Variants in USP9X observed in about 807,000 individuals in gnomAD.
The protein encoded by USP9X is ubiquitin carboxyl-terminal hydrolase 9X.
Under a neutral mutation model 190.3 loss-of-function variants are expected in USP9X, and 7 were observed. That is an observed-to-expected ratio of 0.04 (90% confidence interval 0.02 to 0.07). The LOEUF (loss-of-function observed/expected upper bound fraction) is 0.07. Among genes scored for constraint, USP9X ranks in the 10% least tolerant of loss-of-function variants. The pLI is 1.00. For missense variants in USP9X, 1,010 were observed against 1,916.9 expected (o/e 0.53, Z 8.83); for synonymous variants, 645 against 659.5 (o/e 0.98, Z 0.34).
chrX:41,144,979 G>A (rs150903503), intron 11 of USP9X, among the ~76,000 whole-genome samples: 169 of 111,534 alleles, frequency 1.5e-3, no homozygotes, highest in African/African-American at 5.2e-3. Flanking sequence ...GGGGTCATAT[G>A]TACAAGCAAA....
At chrX:41,175,110 T>C (rs1602001079) in intron 21 of USP9X, among the ~76,000 whole-genome samples, 1 of 112,697 alleles carries the variant, frequency 8.9e-6, no homozygotes, top group South Asian at 3.7e-4. Context: ...GTTACTATCA[T>C]TTATCTTGAT....
chrX:41,127,946 A>G (rs1601954307), intron 2 of USP9X, among the ~76,000 whole-genome samples: 1 of 112,282 alleles, frequency 8.9e-6, no homozygotes, highest in Non-Finnish European at 1.9e-5. Context: ...AAGAGAAAAT[A>G]CCACCTGCTT....
intron 26 of USP9X, chrX:41,195,786 T>G: frequency 7.4e-6 from 2 of 271,354 alleles, no homozygotes; most frequent in South Asian, 7.2e-5. Flanking sequence ...TAATGCTCAT[T>G]TGGCCTTCTG....
intron 21 of USP9X, among the ~76,000 whole-genome samples, chrX:41,181,435 C>CTTTTTTTTTTT (rs200403625): frequency 2.6e-5 from 1 of 38,572 alleles, no homozygotes; most frequent in African/African-American, 8.6e-5. Context: ...CCACACCTGA[C>CTTTTTTTTTTT]TTTTTTTTTT....
At chrX:41,139,980 GGCTTTTA>G (rs2062408005) in intron 6 of USP9X, among the ~76,000 whole-genome samples, 1 of 111,650 alleles carries the variant, frequency 9.0e-6, no homozygotes, top group Non-Finnish European at 1.9e-5. Context: ...CATACAGACA[GGCTTTTA>G]GCCTCACAAC....
At chrX:41,090,207 C>G (rs1212468711) in intron 1 of USP9X, among the ~76,000 whole-genome samples, 2 of 109,725 alleles carry the variant, frequency 1.8e-5, no homozygotes, top group East Asian at 5.6e-4. Context: ...GGGCCCGGCC[C>G]TATGAGCATT....
chrX:41,158,217 G>A (rs767806436), intron 14 of USP9X, among the ~76,000 whole-genome samples: 2 of 111,290 alleles, frequency 1.8e-5, no homozygotes, highest in Non-Finnish European at 3.8e-5. Flanking sequence ...CACTGAAAAC[G>A]TCTCTAATTT....
At chrX:41,101,249 C>T (rs184679830) in intron 1 of USP9X, among the ~76,000 whole-genome samples, 8 of 110,086 alleles carry the variant, frequency 7.3e-5, no homozygotes, top group African/African-American at 2.3e-4. Context: ...TTTGAGTGTT[C>T]GAATCTTTAG....
At chrX:41,151,925 G>A (rs774652569) in intron 13 of USP9X, among the ~76,000 whole-genome samples, 15 of 112,584 alleles carry the variant, frequency 1.3e-4, no homozygotes, top group Non-Finnish European at 2.2e-4. Flanking sequence ...AGGTTGCGGT[G>A]AGCTGAGATT....
intron 11 of USP9X, among the ~76,000 whole-genome samples, chrX:41,146,599 G>T (rs756135611): frequency 1.7e-4 from 16 of 95,690 alleles, no homozygotes; most frequent in African/African-American, 6.2e-4. Flanking sequence ...TGTGCTTTTA[G>T]TTTTTATATC....
chrX:41,191,200 G>A (rs939703365), intron 26 of USP9X, among the ~76,000 whole-genome samples: 1 of 108,910 alleles, frequency 9.2e-6, no homozygotes, highest in Non-Finnish European at 1.9e-5. Context: ...ATTGTGGTGG[G>A]CGCCTGTAAT....
chrX:41,162,998 A>G (rs1292463478), intron 15 of USP9X, 121 bp downstream of exon 15: 1 of 399,960 alleles, frequency 2.5e-6, no homozygotes, highest in East Asian at 4.3e-5. Flanking sequence ...GTCATGTAAG[A>G]CATTTCCCTG....
chrX:41,201,305 T>C lies in USP9X; in HGVS notation c.4824+25T>C, dbSNP rs750304073. Reference sequence around the variant, plus strand: ...GGTAAATTTGAGTTACCATTTCTGTTTTCTGTGTTTCAAGTTATGATACCA... The same window carrying C: ...GGTAAATTTGAGTTACCATTTCTGTCTTCTGTGTTTCAAGTTATGATACCA... On this transcript the variant is annotated intron_variant, in intron 31 of 44. Transcript: ENST00000378308. 295 of 1,154,313 alleles carry C rather than the reference T, an allele frequency of 2.6e-4. 1 individual carries two copies. In the South Asian group the frequency reaches 5.0e-3, roughly 20 times the overall value.
chrX:41,126,163 C>A, intron 2 of USP9X, among the ~76,000 whole-genome samples: 1 of 111,842 alleles, frequency 8.9e-6, no homozygotes, highest in Admixed American at 9.5e-5. Context: ...TCTTTCTCTG[C>A]CATTTTAGAG....
In USP9X at chrX:41,204,880, T is replaced by C. The variant is rs765998968; in HGVS notation, c.4825-423T>C. On this transcript the variant is annotated intron_variant, in intron 31 of 44. Transcript: ENST00000378308. ...TAAGCAAAGAATGACTATACTGATATAGGTATATTTTATTGACAGATCTGA... is the reference window on the plus strand; with the variant it reads ...TAAGCAAAGAATGACTATACTGATACAGGTATATTTTATTGACAGATCTGA... Among the ~76,000 whole-genome samples, 5 of 112,014 alleles carry C rather than the reference T, an allele frequency of 4.5e-5. No homozygotes were observed. In the East Asian group the frequency reaches 8.4e-4, roughly 19 times the overall value.
rs189466092 is a variant in USP9X at position 41,216,504 on chromosome X, T to A, written c.5937T>A (p.His1979Gln). 8.3e-7 allele frequency: 1 copy of A among 1,209,145 alleles called. No individual in the cohort carries two copies. Among genetic ancestry groups the A allele is most frequent in the African/African-American group, 1.8e-5 (1 of 56,877 alleles). ...AGCTTGCTATCACCACCAGACCTCA[T>A]CAGATTATTATGCCATCAGCCATTG... ...ISELAITTRP[H>Q]QIIMPSAIER... The change falls in exon 35 of 45, where the codon CAT becomes CAA. Residue 1979 changes from histidine to glutamine, a missense_variant. Physicochemically the swap from His to Gln is conservative, Grantham distance 24 (BLOSUM62 0). Coordinates refer to ENST00000378308, the MANE Select transcript of USP9X (RefSeq NM_001039591.3).
chrX:41,212,459 T>TAA (rs10658085), intron 33 of USP9X, among the ~76,000 whole-genome samples: 8,341 of 66,561 alleles, frequency 0.13, 674 homozygotes, highest in Admixed American at 0.2. Flanking sequence ...AATGATCAAT[T>TAA]AAAAAAAAAA....
intron 1 of USP9X, among the ~76,000 whole-genome samples, chrX:41,121,018 T>TC: frequency 9.3e-6 from 1 of 107,065 alleles, no homozygotes; most frequent in East Asian, 2.9e-4. Flanking sequence ...TTTTTTTTTT[T>TC]TGTATTTTTA....
intron 14 of USP9X, among the ~76,000 whole-genome samples, chrX:41,156,198 A>G (rs776730928): frequency 2.3e-4 from 26 of 111,883 alleles, no homozygotes; most frequent in African/African-American, 8.4e-4. Flanking sequence ...ACTCAAGAAA[A>G]TCTATTAAAT....
Sources: allele counts gnomAD v4.1 joint callset (sites outside exome capture counted in the v4.1 genomes callset), GRCh38; gene constraint gnomAD v4.1.1; transcripts MANE v1.5; gene names NCBI Gene and HGNC (gene_info 2026-07-23, HGNC 2026-07-21).